PTPN9: variants seen among roughly 807,000 people sequenced by gnomAD.
PTPN9 encodes protein tyrosine phosphatase non-receptor type 9.
Under a neutral mutation model 69.8 loss-of-function variants are expected in PTPN9, and 26 were observed. That is an observed-to-expected ratio of 0.37 (90% CI 0.27 to 0.52). The LOEUF (loss-of-function observed/expected upper bound fraction) is 0.52. PTPN9 is among the 20% of genes least tolerant of loss of function. The probability of loss-of-function intolerance (pLI) is 0.91; values close to 1 mark genes in which losing one functional copy is unlikely to be tolerated. For synonymous variants in PTPN9, 274 were observed against 272.5 expected, an observed-to-expected ratio of 1.01 and a Z score of -0.05; for missense variants, 549 against 740.3, an observed-to-expected ratio of 0.74 and a Z score of 3.00.
rs569651376 is a variant in PTPN9, at chr15:75,468,633, G to A, written c.*136C>T. On this transcript the variant is annotated 3_prime_UTR_variant, in exon 13 of 13. Transcript: ENST00000618819. The stretch of plus-strand genomic sequence containing the variant: ...TAGCCAAAGGGAAAGGCTGCCTTGC[G>A]TGCACACGTGTGCTGGGAGACACAA... 5.1e-4 allele frequency: 376 copies of A among 741,856 alleles called. No individual in the cohort carries two copies. Among genetic ancestry groups the A allele is most frequent in the Non-Finnish European group, 6.4e-4 (284 of 440,340 alleles). 46.0% of individuals were successfully genotyped at this position (741,856 alleles called of 1,614,324 possible).
rs1034789477 is a variant in PTPN9, at chr15:75,472,241, C to T, written c.1209-1411G>A. 2.0e-5 allele frequency among the ~76,000 whole-genome samples: 3 copies of T among 150,802 alleles called. No individual in the cohort carries two copies. The East Asian group carries it at 6.0e-4, about 30-fold the overall frequency. ...TTGGGAGGCCGAGGCAGGCGGATCA[C>T]GAGGTCAGGAGATCGAGCCCATCCT... On this transcript the variant is annotated intron_variant, in intron 10 of 12. Transcript: ENST00000618819.
chr15:75,539,937 C>T (rs1417393753), intron 1 of PTPN9, among the ~76,000 whole-genome samples: 7 of 152,186 alleles, frequency 4.6e-5, no homozygotes, highest in African/African-American at 1.7e-4. Flanking sequence ...CCCCTGACCT[C>T]CCAAAGTGCT....
chr15:75,494,353 CT>C lies in PTPN9; in HGVS notation c.969-4053del, dbSNP rs1039687801. On this transcript the variant is annotated intron_variant, in intron 7 of 12. Coordinates refer to ENST00000618819, the MANE Select transcript of PTPN9 (RefSeq NM_002833.4). ...TACACTAAGGCACATCATTGTGAAT[CT>C]TTTTTTTTGCAGGGGGTGGACAGAG... 1.1e-3 allele frequency among the ~76,000 whole-genome samples: 171 copies of C among 150,650 alleles called. 4 individuals are homozygous for C. The highest frequency in any genetic ancestry group is 0.011 in the South Asian group (50 of 4,736).
chr15:75,556,153 C>CGGG (rs997244153), intron 1 of PTPN9, among the ~76,000 whole-genome samples: 4 of 151,074 alleles, frequency 2.6e-5, no homozygotes, highest in Non-Finnish European at 4.4e-5. Flanking sequence ...CAACCTCCAC[C>CGGG]TCCCACGTTC....
At chr15:75,530,599 AT>A (rs1225608892) in intron 1 of PTPN9, among the ~76,000 whole-genome samples, 1 of 82,294 alleles carries the variant, frequency 1.2e-5, no homozygotes, top group Non-Finnish European at 2.1e-5. Flanking sequence ...ATATTATTAT[AT>A]TATAATATAC....
At position 75,468,671 on chromosome 15, in the gene PTPN9, T is replaced by C. The variant is rs2074548150; in HGVS notation, c.*98A>G. On this transcript the variant is annotated 3_prime_UTR_variant, in exon 13 of 13. Transcript: ENST00000618819. The stretch of plus-strand genomic sequence containing the variant: ...CTGGGAGACACAAGAAAGAAGTTGA[T>C]CCATGGCTTCAGCGTAACTGATGGC... 1 of 1,043,228 alleles carries C rather than the reference T, an allele frequency of 9.6e-7. No individual in the cohort carries two copies. Among genetic ancestry groups the C allele is most frequent in the South Asian group, 1.5e-5 (1 of 68,302 alleles). 64.6% of individuals were successfully genotyped at this position (1,043,228 alleles called of 1,614,324 possible). A position where few individuals can be genotyped will look rare whatever the true frequency, so the allele number is the denominator to read the frequency against.
chr15:75,515,285 G>A (rs1479380671), intron 5 of PTPN9, among the ~76,000 whole-genome samples: 1 of 151,876 alleles, frequency 6.6e-6, no homozygotes, highest in Non-Finnish European at 1.5e-5. Flanking sequence ...AAAATTAGCC[G>A]GGCGTGGTGG....
Position 75,523,144 on chromosome 15 carries a change from G to T in PTPN9, c.399C>A (p.Tyr133Ter), listed in dbSNP as rs142284706. 6.2e-7 allele frequency: 1 copy of T among 1,614,128 alleles called. No homozygotes were observed. Among genetic ancestry groups the T allele is most frequent in the Non-Finnish European group, 8.5e-7 (1 of 1,180,006 alleles). The change falls in exon 4 of 13, where the codon TAC becomes TAA. Residue 133 changes from tyrosine to a stop codon, truncating the protein, a stop_gained. Coordinates refer to ENST00000618819, the MANE Select transcript of PTPN9 (RefSeq NM_002833.4). LOFTEE classifies it high-confidence loss of function. ...ACCTATCCACAGCTCTGTCTAGCAAGTAAAACAGAGCCTGAAGTACCACAT... is the reference window on the plus strand; with the variant it reads ...ACCTATCCACAGCTCTGTCTAGCAATTAAAACAGAGCCTGAAGTACCACAT... ...VQHVVLQALF[Y>*]LLDRAVDSFE...
intron 1 of PTPN9, among the ~76,000 whole-genome samples, chr15:75,563,427 A>G (rs1393068296): frequency 6.6e-6 from 1 of 152,204 alleles, no homozygotes; most frequent in Non-Finnish European, 1.5e-5. Flanking sequence ...ACCTCAAGGG[A>G]TCCATCTGCC....
intron 1 of PTPN9, among the ~76,000 whole-genome samples, chr15:75,530,212 A>AG (rs2141323861): frequency 6.9e-6 from 1 of 144,028 alleles, no homozygotes; most frequent in Admixed American, 7.3e-5. Flanking sequence ...AAAAAAAAAA[A>AG]AAAAAAGAAA....
At chr15:75,568,715 T>C (rs1409241158) in intron 1 of PTPN9, among the ~76,000 whole-genome samples, 1 of 150,808 alleles carries the variant, frequency 6.6e-6, no homozygotes, top group East Asian at 1.9e-4. Context: ...TACATGCTTG[T>C]AGTTCCAGCC....
At chr15:75,572,401 T>C (rs949851428) in intron 1 of PTPN9, among the ~76,000 whole-genome samples, 8 of 152,016 alleles carry the variant, frequency 5.3e-5, no homozygotes, top group Admixed American at 5.2e-4. Context: ...ACTGCCAAAC[T>C]GCCAGCCCAT....
chr15:75,550,238 T>C (rs1201446534), intron 1 of PTPN9, among the ~76,000 whole-genome samples: 1 of 149,216 alleles, frequency 6.7e-6, no homozygotes, highest in Non-Finnish European at 1.5e-5. Context: ...CTATCTCGGC[T>C]CACTGCAACC....
At chr15:75,537,443 TAAAAAAA>T (rs71140168) in intron 1 of PTPN9, among the ~76,000 whole-genome samples, 8 of 20,344 alleles carry the variant, frequency 3.9e-4, no homozygotes, top group East Asian at 1.5e-3. Flanking sequence ...ATATCTTCCC[TAAAAAAA>T]AAAAAAAAAA....
At chr15:75,543,686 C>T (rs2075019090) in intron 1 of PTPN9, among the ~76,000 whole-genome samples, 1 of 152,132 alleles carries the variant, frequency 6.6e-6, no homozygotes, top group Non-Finnish European at 1.5e-5. Context: ...TTCCATATTC[C>T]TTTCTGTATC....
intron 5 of PTPN9, among the ~76,000 whole-genome samples, chr15:75,513,782 CA>C (rs889182787): frequency 7.3e-5 from 11 of 151,050 alleles, no homozygotes; most frequent in Non-Finnish European, 1.3e-4. Flanking sequence ...AAACAAACAA[CA>C]AAAAAGAATC....
intron 8 of PTPN9, among the ~76,000 whole-genome samples, chr15:75,485,562 G>A (rs1285269391): frequency 6.8e-6 from 1 of 148,062 alleles, no homozygotes; most frequent in Non-Finnish European, 1.5e-5. Context: ...AGTAGAGACG[G>A]GGTTTCACCT....
intron 3 of PTPN9, 113 bp downstream of exon 3, chr15:75,524,096 A>G: frequency 2.3e-6 from 1 of 432,020 alleles, no homozygotes. Flanking sequence ...CCTAAAACTT[A>G]AAGTATAATA....
rs1373459715 is a variant in PTPN9, at chr15:75,493,285, G to A, written c.969-2984C>T. The stretch of plus-strand genomic sequence containing the variant: ...AAAGGCTATCATTAATATCCTCAAA[G>A]AGAAAATAGATGATACAATTATACA... On this transcript the variant is annotated intron_variant, in intron 7 of 12. Coordinates refer to ENST00000618819, the MANE Select transcript of PTPN9 (RefSeq NM_002833.4). 1.8e-4 allele frequency among the ~76,000 whole-genome samples: 27 copies of A among 151,898 alleles called. 1 individual carries two copies. Among genetic ancestry groups the A allele is most frequent in the Admixed American group, 1.8e-3 (27 of 15,232 alleles).
Sources: allele counts gnomAD v4.1 joint callset (sites outside exome capture counted in the v4.1 genomes callset), GRCh38; gene constraint gnomAD v4.1.1; transcripts MANE v1.5; gene names NCBI Gene and HGNC (gene_info 2026-07-23, HGNC 2026-07-21).